Variants in LPP observed in about 807,000 individuals in gnomAD.
LPP encodes the protein lipoma-preferred partner.
Under a neutral mutation model 60.4 loss-of-function variants are expected in LPP, and 38 were observed. The observed-to-expected ratio is 0.63, with a 90% CI of 0.49 to 0.83. LPP has a LOEUF of 0.83. Among genes scored for constraint, LPP ranks in the 40% least tolerant of loss-of-function variants. The pLI, the probability that LPP is intolerant of heterozygous loss-of-function variation, is 0.00. For missense variants in LPP, 902 were observed against 783.6 expected, an observed-to-expected ratio of 1.15 and a Z score of -1.80; for synonymous variants, 328 against 290.8, an observed-to-expected ratio of 1.13 and a Z score of -1.30.
chr3:188,624,749 CCCTTCT>C (rs1553947850), intron 7 of LPP, among the ~76,000 whole-genome samples: 4 of 75,094 alleles, frequency 5.3e-5, no homozygotes, highest in African/African-American at 1.9e-4. Flanking sequence ...CCCTTCCCTT[CCCTTCT>C]CCTTCTCCTT....
intron 4 of LPP, among the ~76,000 whole-genome samples, chr3:188,468,974 C>T (rs559906117): frequency 1.2e-4 from 19 of 152,144 alleles, no homozygotes; most frequent in Admixed American, 9.8e-4. Context: ...GCTCAGAACA[C>T]GTCACCAAAT....
At chr3:188,233,861 C>G (rs1720955966) in intron 2 of LPP, among the ~76,000 whole-genome samples, 5 of 152,074 alleles carry the variant, frequency 3.3e-5, no homozygotes, top group Admixed American at 3.3e-4. Flanking sequence ...CTCCCAATCC[C>G]CACTGCCACC....
chr3:188,194,727 C>T (rs1170691078), intron 1 of LPP, among the ~76,000 whole-genome samples: 1 of 152,192 alleles, frequency 6.6e-6, no homozygotes, highest in Non-Finnish European at 1.5e-5. Context: ...ATTACAAGCT[C>T]ATATGACATA....
At chr3:188,427,954 G>A (rs937897295) in intron 4 of LPP, among the ~76,000 whole-genome samples, 4 of 152,004 alleles carry the variant, frequency 2.6e-5, no homozygotes, top group Admixed American at 2.0e-4. Context: ...GGAGCCACTG[G>A]GGTATGAAAA....
intron 1 of LPP, among the ~76,000 whole-genome samples, chr3:188,160,054 A>T (rs1371490268): frequency 2.0e-5 from 3 of 152,110 alleles, no homozygotes; most frequent in African/African-American, 7.2e-5. Flanking sequence ...CTGGGATTAC[A>T]GGTGCCCGCC....
chr3:188,461,744 T>A (rs1413006188), intron 4 of LPP, among the ~76,000 whole-genome samples: 3 of 152,220 alleles, frequency 2.0e-5, no homozygotes, highest in African/African-American at 4.8e-5. Context: ...TTTTTATATA[T>A]GCCTAGTCTT....
chr3:188,797,357 G>T (rs2151099961), intron 9 of LPP, among the ~76,000 whole-genome samples: 1 of 152,254 alleles, frequency 6.6e-6, no homozygotes, highest in Non-Finnish European at 1.5e-5. Flanking sequence ...AGAGGACTGG[G>T]ATATGTTTAA....
At chr3:188,831,762 A>G (rs1757192777) in intron 9 of LPP, among the ~76,000 whole-genome samples, 1 of 152,190 alleles carries the variant, frequency 6.6e-6, no homozygotes, top group South Asian at 2.1e-4. Flanking sequence ...TGAGAACCCA[A>G]GTTTTCTGAC....
intron 8 of LPP, among the ~76,000 whole-genome samples, chr3:188,738,608 C>A (rs1723332794): frequency 6.6e-6 from 1 of 152,014 alleles, no homozygotes; most frequent in Admixed American, 6.6e-5. Context: ...CAAACATAGT[C>A]GTTTGATAAA....
chr3:188,705,236 A>T (rs967745810), intron 7 of LPP, among the ~76,000 whole-genome samples: 1 of 152,254 alleles, frequency 6.6e-6, no homozygotes, highest in African/African-American at 2.4e-5. Flanking sequence ...TGGTCTTTAT[A>T]TAGACCTGTA....
At chr3:188,830,636 C>T (rs1327832321) in intron 9 of LPP, among the ~76,000 whole-genome samples, 1 of 151,866 alleles carries the variant, frequency 6.6e-6, no homozygotes, top group African/African-American at 2.4e-5. Flanking sequence ...TTCCCCACAC[C>T]CACCCCCAAC....
chr3:188,406,444 A>C (rs1783516324), intron 4 of LPP, 131 bp downstream of exon 4: 3 of 821,140 alleles, frequency 3.7e-6, no homozygotes, highest in Non-Finnish European at 5.6e-6. Context: ...AGGCTACTAA[A>C]AGTAAAGGAG....
intron 2 of LPP, among the ~76,000 whole-genome samples, chr3:188,266,181 G>C (rs997537918): frequency 2.6e-5 from 4 of 151,638 alleles, no homozygotes; most frequent in East Asian, 1.9e-4. Context: ...ACCCTCACCA[G>C]CAGCAGCAGC....
At position 188,720,531 on chromosome 3, in the gene LPP, A is replaced by G. The variant is rs535280725; in HGVS notation, c.1240+12138A>G. ...GGTGTGTGAAGATGAGTGGCAATGCACTGTCTCTGGTTAGAGTTCCCACCA... is the reference window on the plus strand; with the variant it reads ...GGTGTGTGAAGATGAGTGGCAATGCGCTGTCTCTGGTTAGAGTTCCCACCA... On this transcript the variant is annotated intron_variant, in intron 8 of 11. Transcript: ENST00000617246. Among the ~76,000 whole-genome samples the G allele has an allele frequency of 3.3e-5, 5 of 151,924 alleles. No homozygotes were observed. The South Asian group carries it at 8.3e-4, about 25-fold the overall frequency.
intron 6 of LPP, among the ~76,000 whole-genome samples, chr3:188,554,854 AGAG>A (rs1412940124): frequency 6.6e-6 from 1 of 152,162 alleles, no homozygotes; most frequent in African/African-American, 2.4e-5. Context: ...GCTGTCTTAT[AGAG>A]GGTGAGGGTA....
intron 3 of LPP, among the ~76,000 whole-genome samples, chr3:188,389,422 G>C (rs1048986235): frequency 1.7e-4 from 26 of 152,252 alleles, no homozygotes; most frequent in African/African-American, 6.0e-4. Flanking sequence ...ATTGAGGATG[G>C]AGGGCACTGA....
At chr3:188,326,700 T>C in intron 2 of LPP, among the ~76,000 whole-genome samples, 1 of 152,336 alleles carries the variant, frequency 6.6e-6, no homozygotes, top group East Asian at 1.9e-4. Flanking sequence ...ATATAACTAG[T>C]TTAATGATTA....
In LPP at chr3:188,234,411, A is replaced by G. The variant is rs569778610; in HGVS notation, c.-67+8884A>G. On this transcript the variant is annotated intron_variant, in intron 2 of 11. Coordinates refer to ENST00000617246, the MANE Select transcript of LPP (RefSeq NM_001375462.1). ...GGACTCTGAGGCTGCATCCTGACTCAGCTAATGATCACTTAGGAATATCGC... is the reference window on the plus strand; with the variant it reads ...GGACTCTGAGGCTGCATCCTGACTCGGCTAATGATCACTTAGGAATATCGC... Among the ~76,000 whole-genome samples the G allele has an allele frequency of 9.8e-5, 15 of 152,336 alleles. No individual in the cohort carries two copies. In the South Asian group the frequency reaches 2.9e-3, roughly 29 times the overall value.
Position 188,874,600 on chromosome 3 carries a change from C to A in LPP, c.*121C>A. 2 of 1,115,462 alleles carry A rather than the reference C, an allele frequency of 1.8e-6. No individual in the cohort carries two copies. Among genetic ancestry groups the A allele is most frequent in the Non-Finnish European group, 2.5e-6 (2 of 801,890 alleles). 69.1% of individuals were successfully genotyped at this position (1,115,462 alleles called of 1,614,324 possible). On this transcript the variant is annotated 3_prime_UTR_variant, in exon 12 of 12. Transcript: ENST00000617246. ...TGTTCTTCATCTGCTATTAACCTTG[C>A]CTTAGAAACACATAAATTATGAGAT...
Sources: gnomAD v4.1 joint callset for allele counts (sites outside exome capture counted in the v4.1 genomes callset) on GRCh38, gnomAD v4.1.1 for gene constraint, MANE v1.5 for transcripts, NCBI Gene and HGNC (gene_info 2026-07-23, HGNC 2026-07-21) for gene names.